DLGAP2: variants seen among roughly 807,000 people sequenced by gnomAD.
DLGAP2 encodes the protein disks large-associated protein 2.
Under a neutral mutation model 100.3 loss-of-function variants are expected in DLGAP2, and 26 were observed. That is an observed-to-expected ratio of 0.26 (90% CI 0.19 to 0.36). The LOEUF (loss-of-function observed/expected upper bound fraction) is 0.36. DLGAP2 is among the 10% of genes least tolerant of loss of function. The probability of loss-of-function intolerance (pLI) is 1.00; values close to 1 mark genes in which losing one functional copy is unlikely to be tolerated. For missense variants in DLGAP2, 1,858 were observed against 1,453.2 expected, an observed-to-expected ratio of 1.28 and a Z score of -4.53; for synonymous variants, 886 against 630.1, an observed-to-expected ratio of 1.41 and a Z score of -6.08.
At chr8:1,120,347 A>G (rs1309778759) in intron 2 of DLGAP2, among the ~76,000 whole-genome samples, 2 of 152,186 alleles carry the variant, frequency 1.3e-5, no homozygotes, top group African/African-American at 4.8e-5. Context: ...TGAGAACAAT[A>G]CGAAGGGGCA....
At chr8:1,038,006 A>G (rs1802184935) in intron 2 of DLGAP2, among the ~76,000 whole-genome samples, 1 of 152,218 alleles carries the variant, frequency 6.6e-6, no homozygotes, top group Admixed American at 6.5e-5. Context: ...ATAGTGTGTA[A>G]CTAGAGGCTG....
chr8:906,453 T>C (rs187930290), intron 1 of DLGAP2, among the ~76,000 whole-genome samples: 53 of 151,934 alleles, frequency 3.5e-4, no homozygotes, highest in African/African-American at 1.3e-3. Flanking sequence ...CTGGAAAAGG[T>C]GAGTGAATGG....
intron 6 of DLGAP2, among the ~76,000 whole-genome samples, chr8:1,590,583 C>A (rs949131677): frequency 6.6e-6 from 1 of 152,180 alleles, no homozygotes; most frequent in Non-Finnish European, 1.5e-5. Flanking sequence ...GTTGGTGATT[C>A]TTCATGAAGA....
intron 3 of DLGAP2, among the ~76,000 whole-genome samples, chr8:1,420,775 C>G (rs973104795): frequency 1.3e-5 from 2 of 152,158 alleles, no homozygotes; most frequent in Admixed American, 6.5e-5. Flanking sequence ...TAACTTGGCC[C>G]TCCCACAGTG....
chr8:935,795 G>A (rs1799057421), intron 2 of DLGAP2, among the ~76,000 whole-genome samples: 1 of 152,192 alleles, frequency 6.6e-6, no homozygotes, highest in African/African-American at 2.4e-5. Flanking sequence ...GATACTCGGT[G>A]GAATTCCACA....
chr8:1,585,411 C>G (rs945854341), intron 6 of DLGAP2, among the ~76,000 whole-genome samples: 2 of 152,172 alleles, frequency 1.3e-5, no homozygotes, highest in South Asian at 2.1e-4. Flanking sequence ...TTGCAGTGAG[C>G]TGAGATTGCA....
At chr8:1,547,312 C>A (rs533625082) in intron 4 of DLGAP2, among the ~76,000 whole-genome samples, 1 of 152,108 alleles carries the variant, frequency 6.6e-6, no homozygotes, top group Admixed American at 6.5e-5. Flanking sequence ...TAGATGTGGC[C>A]CTGGGTGACA....
intron 2 of DLGAP2, among the ~76,000 whole-genome samples, chr8:1,011,233 C>G (rs915732173): frequency 6.6e-6 from 1 of 150,518 alleles, no homozygotes; most frequent in East Asian, 2.0e-4. Flanking sequence ...AATGAGGGGT[C>G]TCAGTCTACA....
At chr8:1,560,985 G>T (rs910494405) in intron 5 of DLGAP2, among the ~76,000 whole-genome samples, 5 of 152,112 alleles carry the variant, frequency 3.3e-5, no homozygotes, top group Non-Finnish European at 5.9e-5. Flanking sequence ...ATCTCGTTTT[G>T]CCTGGCAGCT....
At chr8:1,165,379 G>T (rs1474098407) in intron 2 of DLGAP2, among the ~76,000 whole-genome samples, 1 of 152,220 alleles carries the variant, frequency 6.6e-6, no homozygotes, top group African/African-American at 2.4e-5. Context: ...CCAAGCGCTG[G>T]CACAGCCGGG....
chr8:1,696,684 A>C (rs1799406056), intron 13 of DLGAP2, among the ~76,000 whole-genome samples: 1 of 152,178 alleles, frequency 6.6e-6, no homozygotes, highest in African/African-American at 2.4e-5. Context: ...TACATTTGTA[A>C]GGTGTCATCA....
At chr8:1,272,447 T>G (rs1799601657) in intron 3 of DLGAP2, among the ~76,000 whole-genome samples, 1 of 151,910 alleles carries the variant, frequency 6.6e-6, no homozygotes, top group Non-Finnish European at 1.5e-5. Flanking sequence ...TGTACGTATC[T>G]ATATTAAACA....
rs544832738 is a variant in DLGAP2, at chr8:1,617,635, G to A, written c.1443-9105G>A. 5.9e-5 allele frequency among the ~76,000 whole-genome samples: 9 copies of A among 152,194 alleles called. No individual in the cohort carries two copies. The East Asian group carries it at 1.7e-3, about 29-fold the overall frequency. ...TAGACCTTTGTTGGATGCATAGTTT[G>A]GAAATATTTTCTCCCATTTTGTACG... On this transcript the variant is annotated intron_variant, in intron 6 of 14. Coordinates refer to ENST00000637795, the MANE Select transcript of DLGAP2 (RefSeq NM_001346810.2).
In DLGAP2 at chr8:1,317,575, C is replaced by T. The variant is rs866349472; in HGVS notation, c.106+58692C>T. ...AACAGTGGTCTACACTCGAGACACT[C>T]GGCAGCGTTTAAAAATACAGGCTGT... is the stretch of plus-strand genomic sequence containing the variant. On this transcript the variant is annotated intron_variant, in intron 3 of 14. Transcript: ENST00000637795. Among the ~76,000 whole-genome samples the T allele has an allele frequency of 9.0e-3, 1,092 of 121,594 alleles. 34 individuals are homozygous for T. Among genetic ancestry groups the T allele is most frequent in the Middle Eastern group, 0.016 (3 of 184 alleles). 79.8% of individuals were successfully genotyped at this position (121,594 alleles called of 152,430 possible).
chr8:1,306,114 A>G (rs537471244), intron 3 of DLGAP2, among the ~76,000 whole-genome samples: 1 of 151,506 alleles, frequency 6.6e-6, no homozygotes, highest in African/African-American at 2.4e-5. Context: ...AAAAAATAGA[A>G]AATCATCCAA....
chr8:1,344,523 G>T (rs370321737), intron 3 of DLGAP2, among the ~76,000 whole-genome samples: 3 of 152,212 alleles, frequency 2.0e-5, no homozygotes, highest in South Asian at 4.1e-4. Flanking sequence ...CTGTAAAATC[G>T]GAATATTCAC....
chr8:1,091,973 C>T (rs1804198943), intron 2 of DLGAP2, among the ~76,000 whole-genome samples: 1 of 152,148 alleles, frequency 6.6e-6, no homozygotes, highest in African/African-American at 2.4e-5. Context: ...ACTTCTGCCC[C>T]ACGTTTTATT....
intron 2 of DLGAP2, among the ~76,000 whole-genome samples, chr8:1,152,165 TCTATTTTG>T (rs1170894141): frequency 3.9e-5 from 6 of 152,254 alleles, no homozygotes; most frequent in Non-Finnish European, 8.8e-5. Flanking sequence ...TAGACATTTA[TCTATTTTG>T]CTATGAGAGT....
intron 2 of DLGAP2, among the ~76,000 whole-genome samples, chr8:1,173,844 A>G (rs1356024907): frequency 1.3e-5 from 2 of 152,210 alleles, no homozygotes; most frequent in Non-Finnish European, 2.9e-5. Context: ...TGAGTGAGGC[A>G]ATGCGTCGCC....
Sources: gnomAD v4.1 joint callset for allele counts (sites outside exome capture counted in the v4.1 genomes callset) on GRCh38, gnomAD v4.1.1 for gene constraint, MANE v1.5 for transcripts, NCBI Gene and HGNC (gene_info 2026-07-23, HGNC 2026-07-21) for gene names.